The following PALLD variants were observed in gnomAD, a reference collection of about 807,000 sequenced individuals.
PALLD encodes the protein palladin, cytoskeletal associated protein.
A neutral mutation model predicts 123.5 loss-of-function variants in PALLD; 61 were observed. That is an observed-to-expected ratio of 0.49 (90% confidence interval 0.40 to 0.61). The LOEUF is 0.61. Ranked by LOEUF, PALLD falls within the 20% of genes least tolerant of loss-of-function variation. The pLI is 0.00. For synonymous variants in PALLD, 465 were observed against 496.4 expected (o/e 0.94, Z 0.84); for missense variants, 1,273 against 1,377.0 (o/e 0.92, Z 1.20).
Position 168,877,995 on chromosome 4 carries a change from C to T in PALLD, c.1965-12927C>T. ...ATCGCCGCGCAGAACCTCGGGCCCG[C>T]GTCGGGCCACGGCACGCCGGCCTCC... On this transcript the variant is annotated intron_variant, in intron 10 of 21. Transcript: ENST00000505667. 1.3e-6 allele frequency: 2 copies of T among 1,499,500 alleles called. No individual in the cohort carries two copies. The highest frequency in any genetic ancestry group is 1.8e-6 in the Non-Finnish European group (2 of 1,130,128). The allele number at this position is 1,499,500 out of a possible 1,614,324, so 92.9% of individuals were successfully genotyped here. A position where few individuals can be genotyped will look rare whatever the true frequency, so the allele number is the denominator to read the frequency against.
chr4:168,725,393 A>G (rs1335524464), intron 10 of PALLD, among the ~76,000 whole-genome samples: 1 of 152,110 alleles, frequency 6.6e-6, no homozygotes, highest in Non-Finnish European at 1.5e-5. Flanking sequence ...AAAATAGTTC[A>G]TATACCATCT....
chr4:168,656,340 A>T (rs1354708883), intron 2 of PALLD, among the ~76,000 whole-genome samples: 3 of 147,746 alleles, frequency 2.0e-5, no homozygotes, highest in Non-Finnish European at 4.4e-5. Context: ...GGTCATGCTG[A>T]CTTATTTTTG....
chr4:168,812,771 T>C (rs927770329), intron 10 of PALLD, among the ~76,000 whole-genome samples: 14 of 152,196 alleles, frequency 9.2e-5, no homozygotes, highest in African/African-American at 3.4e-4. Context: ...TACTCATTCA[T>C]GTGAAGTTTT....
chr4:168,683,136 G>T (rs1406302790), intron 5 of PALLD, 33 bp downstream of exon 5: 1 of 1,235,746 alleles, frequency 8.1e-7, no homozygotes, highest in Non-Finnish European at 1.2e-6. Flanking sequence ...CCCATAAGGG[G>T]TCGAACTCAT....
intron 2 of PALLD, among the ~76,000 whole-genome samples, chr4:168,546,091 C>A (rs1766110731): frequency 6.6e-6 from 1 of 152,040 alleles, no homozygotes; most frequent in African/African-American, 2.4e-5. Context: ...TTGATAGCTT[C>A]TGTATATGCA....
At chr4:168,556,336 C>A (rs935225099) in intron 2 of PALLD, among the ~76,000 whole-genome samples, 2 of 152,106 alleles carry the variant, frequency 1.3e-5, no homozygotes, top group African/African-American at 4.8e-5. Flanking sequence ...ACCTCGTGAT[C>A]CGCCCGCCTC....
chr4:168,736,121 C>T (rs2150327611), intron 10 of PALLD, among the ~76,000 whole-genome samples: 1 of 152,354 alleles, frequency 6.6e-6, no homozygotes, highest in East Asian at 1.9e-4. Flanking sequence ...GTGACCACAT[C>T]TTTAATTTGA....
At chr4:168,600,119 A>G (rs1447706942) in intron 2 of PALLD, among the ~76,000 whole-genome samples, 10 of 152,100 alleles carry the variant, frequency 6.6e-5, no homozygotes, top group African/African-American at 1.4e-4. Flanking sequence ...ATATATACAT[A>G]CATGTGTATA....
At chr4:168,856,438 C>T (rs1748618466) in intron 10 of PALLD, among the ~76,000 whole-genome samples, 1 of 152,180 alleles carries the variant, frequency 6.6e-6, no homozygotes, top group Non-Finnish European at 1.5e-5. Context: ...CTGCTTTCCA[C>T]AGTGGCCTAA....
At chr4:168,785,846 G>GATAGAT (rs1554082460) in intron 10 of PALLD, among the ~76,000 whole-genome samples, 1 of 80,898 alleles carries the variant, frequency 1.2e-5, no homozygotes, top group Non-Finnish European at 2.8e-5. Flanking sequence ...AAACTGTAGA[G>GATAGAT]ATATATATAT....
At chr4:168,842,823 T>A (rs1746237804) in intron 10 of PALLD, among the ~76,000 whole-genome samples, 1 of 152,228 alleles carries the variant, frequency 6.6e-6, no homozygotes, top group Non-Finnish European at 1.5e-5. Flanking sequence ...TTATGGAATA[T>A]GATTCCCCGG....
chr4:168,632,274 G>A (rs1327994135), intron 2 of PALLD, among the ~76,000 whole-genome samples: 3 of 152,034 alleles, frequency 2.0e-5, no homozygotes, highest in Non-Finnish European at 4.4e-5. Context: ...TGAGCCCAAT[G>A]AGTTTGTATT....
intron 1 of PALLD, among the ~76,000 whole-genome samples, chr4:168,500,709 G>T (rs1389010391): frequency 1.3e-5 from 2 of 152,060 alleles, no homozygotes; most frequent in African/African-American, 4.8e-5. Context: ...CAACATAGAG[G>T]ATTCTCCCAA....
At chr4:168,797,794 T>C (rs1738724247) in intron 10 of PALLD, among the ~76,000 whole-genome samples, 1 of 152,100 alleles carries the variant, frequency 6.6e-6, no homozygotes, top group African/African-American at 2.4e-5. Context: ...GTTATACCGA[T>C]TGCCATATTA....
chr4:168,812,324 C>T (rs1422333591), intron 10 of PALLD, among the ~76,000 whole-genome samples: 1 of 152,128 alleles, frequency 6.6e-6, no homozygotes, highest in East Asian at 1.9e-4. Flanking sequence ...AGAATCTCTG[C>T]TTTCTGTTTA....
At chr4:168,790,687 A>G (rs1380824404) in intron 10 of PALLD, among the ~76,000 whole-genome samples, 3 of 152,088 alleles carry the variant, frequency 2.0e-5, no homozygotes, top group Non-Finnish European at 4.4e-5. Context: ...AGCCAGTGTC[A>G]TGCTGTTTTA....
intron 10 of PALLD, among the ~76,000 whole-genome samples, chr4:168,831,125 G>C (rs941385616): frequency 2.0e-5 from 3 of 152,242 alleles, no homozygotes; most frequent in African/African-American, 7.2e-5. Flanking sequence ...CCAGCTACTG[G>C]AGGATTATAC....
chr4:168,584,715 G>A (rs1017022387), intron 2 of PALLD, among the ~76,000 whole-genome samples: 5 of 152,148 alleles, frequency 3.3e-5, no homozygotes, highest in African/African-American at 1.2e-4. Flanking sequence ...TCACCCAGCC[G>A]TGTTTCTGAA....
intron 15 of PALLD, among the ~76,000 whole-genome samples, chr4:168,907,904 A>G (rs1016535187): frequency 2.0e-5 from 3 of 152,160 alleles, no homozygotes; most frequent in African/African-American, 7.2e-5. Flanking sequence ...AACACTACCT[A>G]TTATAGTATT....
Sources: allele counts gnomAD v4.1 joint callset (sites outside exome capture counted in the v4.1 genomes callset), GRCh38; gene constraint gnomAD v4.1.1; transcripts MANE v1.5; gene names NCBI Gene and HGNC (gene_info 2026-07-23, HGNC 2026-07-21).